The following NR1D2 variants were observed in gnomAD, a reference collection of about 807,000 sequenced individuals.
NR1D2 encodes V-erbA-related protein 1-related.
In NR1D2, 25 loss-of-function variants were observed where a neutral mutation model predicts 52.2. That is an observed-to-expected ratio of 0.48 (90% CI 0.35 to 0.67). The LOEUF (loss-of-function observed/expected upper bound fraction) is 0.67. Among genes scored for constraint, NR1D2 ranks in the 30% least tolerant of loss-of-function variants. The pLI is 0.01. For missense variants in NR1D2, 681 were observed against 707.2 expected (o/e 0.96, Z 0.42); for synonymous variants, 259 against 230.1 (o/e 1.13, Z -1.14).
At chr3:23,946,278 G>C in intron 1 of NR1D2, 1 of 985,522 alleles carries the variant, frequency 1.0e-6, no homozygotes, top group Non-Finnish European at 1.2e-6. Context: ...CGGACCCCGC[G>C]CAAACCAAAC....
In NR1D2 at chr3:23,967,916, C is replaced by G; in HGVS notation, c.1436C>G (p.Ala479Gly). Residue 479 changes from alanine (A) to glycine (G), a missense_variant, in exon 7 of 8, where the codon GCA becomes GGA. Physicochemically the swap from Ala to Gly is moderately conservative, Grantham distance 60. Transcript: ENST00000312521. ...GTGGATGATTTACACTCAATGGGAG[C>G]AGGGGATCTGCTAAACTCTATGTTT... is the stretch of plus-strand genomic sequence containing the variant. ...YSVDDLHSMG[A>G]GDLLNSMFEF... 2 of 1,613,764 alleles carry G rather than the reference C, an allele frequency of 1.2e-6. No homozygotes were observed. Among genetic ancestry groups the G allele is most frequent in the Non-Finnish European group, 1.7e-6 (2 of 1,179,700 alleles).
rs1706109889 is a variant in NR1D2 at position 23,957,388 on chromosome 3, ATCTTTTTTT to A, written c.372+1265_372+1273del. 3.1e-5 allele frequency among the ~76,000 whole-genome samples: 3 copies of A among 95,466 alleles called. 1 individual carries two copies. The Admixed American group carries it at 4.4e-4, about 14-fold the overall frequency. The allele number at this position is 95,466 out of a possible 152,430, so 62.6% of individuals were successfully genotyped here. On this transcript the variant is annotated intron_variant, in intron 3 of 7. Coordinates refer to ENST00000312521, the MANE Select transcript of NR1D2 (RefSeq NM_005126.5). Reference sequence around the variant, plus strand: ...TAAAAAAGATTCTCCTTCTCTATATATCTTTTTTTTTTTTTTTTTTTTTTTTTACAAAAA... The same window carrying A: ...TAAAAAAGATTCTCCTTCTCTATATATTTTTTTTTTTTTTTTTTACAAAAA...
intron 7 of NR1D2, 31 bp downstream of exon 7, chr3:23,968,054 C>T: frequency 6.3e-7 from 1 of 1,578,334 alleles, no homozygotes; most frequent in East Asian, 2.2e-5. Context: ...TTGTGCCACA[C>T]CTAGCATATA....
chr3:23,952,030 C>G (rs528000307), intron 1 of NR1D2, among the ~76,000 whole-genome samples: 7 of 152,276 alleles, frequency 4.6e-5, no homozygotes, highest in African/African-American at 1.7e-4. Flanking sequence ...GTTCTTCAAA[C>G]TTGGATGTGC....
intron 3 of NR1D2, among the ~76,000 whole-genome samples, chr3:23,956,472 C>T (rs1706085057): frequency 6.6e-6 from 1 of 152,130 alleles, no homozygotes; most frequent in Non-Finnish European, 1.5e-5. Flanking sequence ...AGAGAAGGCA[C>T]TACTTCTGCC....
chr3:23,975,488 C>G (rs965957143), intron 7 of NR1D2, among the ~76,000 whole-genome samples: 2 of 152,056 alleles, frequency 1.3e-5, no homozygotes, highest in African/African-American at 4.8e-5. Flanking sequence ...ATGAGATAAA[C>G]TGGCCAGGTG....
At chr3:23,969,616 G>C (rs752875184) in intron 7 of NR1D2, among the ~76,000 whole-genome samples, 12 of 152,232 alleles carry the variant, frequency 7.9e-5, no homozygotes, top group Non-Finnish European at 1.8e-4. Flanking sequence ...ATCAATACTT[G>C]TTAAATTATT....
intron 7 of NR1D2, among the ~76,000 whole-genome samples, chr3:23,970,131 T>G (rs1228937987): frequency 6.6e-6 from 1 of 152,226 alleles, no homozygotes; most frequent in Non-Finnish European, 1.5e-5. Context: ...TGTTTAACAT[T>G]AATTCTGCAT....
intron 3 of NR1D2, among the ~76,000 whole-genome samples, chr3:23,957,746 T>C (rs1706125591): frequency 6.6e-6 from 1 of 150,676 alleles, no homozygotes; most frequent in Middle Eastern, 3.2e-3. Flanking sequence ...AGTGAAGTAA[T>C]ATTGGGGAAG....
At chr3:23,976,094 A>G (rs1194286293) in intron 7 of NR1D2, among the ~76,000 whole-genome samples, 2 of 152,228 alleles carry the variant, frequency 1.3e-5, no homozygotes, top group East Asian at 1.9e-4. Flanking sequence ...GAAAACATCT[A>G]TGGGTGATCT....
chr3:23,969,372 C>T (rs73822611), intron 7 of NR1D2, among the ~76,000 whole-genome samples: 1 of 152,018 alleles, frequency 6.6e-6, no homozygotes, highest in Non-Finnish European at 1.5e-5. Flanking sequence ...TAAAGACTTG[C>T]CATTTGGTAA....
chr3:23,972,916 T>C (rs1706628368), intron 7 of NR1D2, among the ~76,000 whole-genome samples: 1 of 152,200 alleles, frequency 6.6e-6, no homozygotes, highest in Admixed American at 6.5e-5. Context: ...CAATCTATGG[T>C]TTTAGATATA....
In NR1D2 at chr3:23,965,295, A is replaced by G. The variant is rs976828315; in HGVS notation, c.1332+133A>G. 10 of 658,042 alleles carry G rather than the reference A, an allele frequency of 1.5e-5. No individual in the cohort carries two copies. The Admixed American group carries it at 1.5e-4, about 10-fold the overall frequency. 40.8% of individuals were successfully genotyped at this position (658,042 alleles called of 1,614,324 possible). On this transcript the variant is annotated intron_variant, in intron 6 of 7. Transcript: ENST00000312521. ...TGCTCTGTCACCCAGGCTGGAGTGC[A>G]GCAGCGCGATCATAGCTCACTGCAA...
intron 1 of NR1D2, among the ~76,000 whole-genome samples, chr3:23,953,664 G>A (rs1706005715): frequency 6.6e-6 from 1 of 152,142 alleles, no homozygotes; most frequent in African/African-American, 2.4e-5. Context: ...AAAACAGAAA[G>A]GTGTGGGAGC....
Position 23,962,069 on chromosome 3 carries a change from A to G in NR1D2, c.610A>G (p.Ser204Gly). 1.9e-6 allele frequency: 3 copies of G among 1,614,208 alleles called. No homozygotes were observed. The highest frequency in any genetic ancestry group is 2.5e-6 in the Non-Finnish European group (3 of 1,180,026). The change falls in exon 5 of 8, where the codon AGT (serine) becomes GGT (glycine). Residue 204 changes from serine to glycine, a missense_variant. Around this residue, in one of 3 missense-constraint regions of NR1D2, gnomAD observed 475 missense variants for 454.5 expected, o/e 1.05. Transcript: ENST00000312521. ...GAAGACCATGATGAACAGCCAGTTC[A>G]GTGGTCACTTGCAAAATGACACATT... ...AMKTMMNSQF[S>G]GHLQNDTLVE...
At chr3:23,954,222 T>C (rs1468138323) in intron 1 of NR1D2, among the ~76,000 whole-genome samples, 1 of 152,190 alleles carries the variant, frequency 6.6e-6, no homozygotes, top group African/African-American at 2.4e-5. Flanking sequence ...TTGCCCAGGC[T>C]GGTCTCAAAT....
chr3:23,955,837 G>A (rs4241520), intron 2 of NR1D2, among the ~76,000 whole-genome samples, 200 bp from the exon 3 acceptor site: 118,219 of 151,206 alleles, frequency 0.78, 46,776 homozygotes, highest in African/African-American at 0.9. Flanking sequence ...ACAAAACAAA[G>A]CAAAACAAAA....
chr3:23,946,951 A>G (rs1296279391), intron 1 of NR1D2, among the ~76,000 whole-genome samples: 1 of 152,222 alleles, frequency 6.6e-6, no homozygotes, highest in Admixed American at 6.5e-5. Flanking sequence ...TCGATAACAA[A>G]TGTATTGTGA....
intron 1 of NR1D2, among the ~76,000 whole-genome samples, chr3:23,953,134 C>T (rs1300445266): frequency 2.7e-5 from 4 of 150,864 alleles, no homozygotes; most frequent in Admixed American, 2.0e-4. Flanking sequence ...GTCAGGAGTT[C>T]GAGACCAGTC....
Sources: gnomAD v4.1 joint callset for allele counts (sites outside exome capture counted in the v4.1 genomes callset) on GRCh38, gnomAD v4.1.1 for gene constraint, gnomAD v4.1.1 regional missense constraint, MANE v1.5 for transcripts, NCBI Gene and HGNC (gene_info 2026-07-23, HGNC 2026-07-21) for gene names.